Variants in TRERF1 observed in about 807,000 individuals in gnomAD.
TRERF1 encodes the protein transcriptional regulating factor 1, also known as transcriptional-regulating factor 1.
A neutral mutation model predicts 122.9 loss-of-function variants in TRERF1; 27 were observed. That is an observed-to-expected ratio of 0.22 (90% CI 0.16 to 0.30). The LOEUF (loss-of-function observed/expected upper bound fraction) is 0.30. TRERF1 is among the 10% of genes least tolerant of loss of function. TRERF1 has a pLI of 1.00. For missense variants in TRERF1, 1,248 were observed against 1,560.3 expected, an observed-to-expected ratio of 0.80 and a Z score of 3.37; for synonymous variants, 636 against 641.7, an observed-to-expected ratio of 0.99 and a Z score of 0.13.
chr6:42,381,579 C>A (rs532421484), intron 2 of TRERF1, among the ~76,000 whole-genome samples: 2 of 152,020 alleles, frequency 1.3e-5, no homozygotes, highest in South Asian at 4.2e-4. Flanking sequence ...CTGAAATGCA[C>A]CTTGAGGACC....
intron 14 of TRERF1, 62 bp from the exon 15 acceptor site, chr6:42,243,423 A>AT (rs1774123346): frequency 7.0e-6 from 8 of 1,136,924 alleles, no homozygotes; most frequent in Non-Finnish European, 9.3e-6. Flanking sequence ...GGTAGCAAGC[A>AT]TTTTTGAATA....
chr6:42,350,164 C>A (rs1769138694), intron 3 of TRERF1, among the ~76,000 whole-genome samples: 1 of 152,156 alleles, frequency 6.6e-6, no homozygotes. Context: ...TCAGTGAATG[C>A]AAAAGAGGCC....
intron 2 of TRERF1, among the ~76,000 whole-genome samples, chr6:42,427,803 G>A (rs1198733156): frequency 6.6e-6 from 1 of 151,938 alleles, no homozygotes; most frequent in Non-Finnish European, 1.5e-5. Context: ...TCCCGCCTCA[G>A]CCTCCCAAAA....
At chr6:42,238,801 G>A (rs1356820473) in intron 15 of TRERF1, among the ~76,000 whole-genome samples, 1 of 149,086 alleles carries the variant, frequency 6.7e-6, no homozygotes, top group Admixed American at 6.7e-5. Context: ...TGATGACGAT[G>A]ACAACATTGA....
intron 2 of TRERF1, among the ~76,000 whole-genome samples, chr6:42,449,846 C>T (rs1217507346): frequency 6.6e-6 from 1 of 152,172 alleles, no homozygotes; most frequent in African/African-American, 2.4e-5. Context: ...CAATGTGTAG[C>T]GAGTTTTTTA....
exon 16 of TRERF1, chr6:42,236,343 T>C: frequency 6.3e-7 from 1 of 1,587,930 alleles, no homozygotes; most frequent in East Asian, 2.3e-5. Context: ...CTTCTTCTTT[T>C]GTGGATTTCC....
chr6:42,379,141 A>G (rs557655999), intron 2 of TRERF1, among the ~76,000 whole-genome samples: 9 of 151,960 alleles, frequency 5.9e-5, no homozygotes, highest in Admixed American at 6.6e-5. Context: ...TTTTTAATAT[A>G]TTTTGTGTGT....
chr6:42,298,995 C>T (rs1455745052), intron 4 of TRERF1, among the ~76,000 whole-genome samples: 1 of 151,878 alleles, frequency 6.6e-6, no homozygotes, highest in Non-Finnish European at 1.5e-5. Flanking sequence ...TAAGGTAGCT[C>T]CTCGGGAGGA....
chr6:42,313,085 C>G (rs1461663548), intron 3 of TRERF1, among the ~76,000 whole-genome samples: 1 of 152,128 alleles, frequency 6.6e-6, no homozygotes, highest in Non-Finnish European at 1.5e-5. Flanking sequence ...GCAGGGCTGG[C>G]TGTGTAGAGA....
chr6:42,434,677 C>CACAG (rs1785008603), intron 2 of TRERF1, among the ~76,000 whole-genome samples: 1 of 147,522 alleles, frequency 6.8e-6, no homozygotes, highest in African/African-American at 2.6e-5. Flanking sequence ...ACCACACACA[C>CACAG]ACACACACAC....
At chr6:42,436,800 C>CAAAAAAAA (rs775861205) in intron 2 of TRERF1, among the ~76,000 whole-genome samples, 61 of 77,516 alleles carry the variant, frequency 7.9e-4, no homozygotes, top group African/African-American at 3.4e-3. Flanking sequence ...TCTCCCTCTA[C>CAAAAAAAA]AAAAAAAAAA....
At chr6:42,264,361 C>T (rs1394098763) in intron 7 of TRERF1, among the ~76,000 whole-genome samples, 1 of 152,230 alleles carries the variant, frequency 6.6e-6, no homozygotes, top group Non-Finnish European at 1.5e-5. Context: ...TGGAAGGCCC[C>T]AGTGGGCCTG....
At chr6:42,315,608 G>T (rs542260568) in intron 3 of TRERF1, among the ~76,000 whole-genome samples, 8 of 152,068 alleles carry the variant, frequency 5.3e-5, no homozygotes, top group Non-Finnish European at 1.0e-4. Context: ...AGACAAAGGA[G>T]GTCAAATGAA....
In TRERF1 at chr6:42,311,858, T is replaced by C. The variant is rs562662884; in HGVS notation, c.-370-11109A>G. On this transcript the variant is annotated intron_variant, in intron 3 of 17. Coordinates refer to ENST00000372922, the Ensembl canonical transcript of TRERF1. Reference sequence around the variant, plus strand: ...TTCACTTTTCACGTGGAGAACAAACTACAAGAGGACAAGAGTGGAGAAAGC... The same window carrying C: ...TTCACTTTTCACGTGGAGAACAAACCACAAGAGGACAAGAGTGGAGAAAGC... 5.4e-5 allele frequency among the ~76,000 whole-genome samples: 8 copies of C among 149,032 alleles called. No individual in the cohort carries two copies. In the South Asian group the frequency reaches 1.5e-3, roughly 28 times the overall value.
intron 2 of TRERF1, among the ~76,000 whole-genome samples, chr6:42,381,177 C>CCTAACAGATTGGGAGTCCCTGATGG (rs1775842223): frequency 6.6e-6 from 1 of 152,080 alleles, no homozygotes; most frequent in Non-Finnish European, 1.5e-5. Flanking sequence ...GCTGTGTCTC[C>CCTAACAGATTGGGAGTCCCTGATGG]CTAACAGATT....
rs1157777268 is a variant in TRERF1, at chr6:42,263,096, A to ATTT, written c.1884+223_1884+224insAAA. On this transcript the variant is annotated intron_variant, in intron 8 of 17. Coordinates refer to ENST00000372922, the Ensembl canonical transcript of TRERF1. The surrounding 1 kb of genome is among the most constrained non-coding windows in gnomAD (Gnocchi z 5.6). ...ATTAGTTTGGCATTTAATGGGGAGCAGGCAGTGTGAACAAGGGTAGGGTTC... is the reference window on the plus strand; with the variant it reads ...ATTAGTTTGGCATTTAATGGGGAGCATTTGGCAGTGTGAACAAGGGTAGGGTTC... 6.6e-6 allele frequency among the ~76,000 whole-genome samples: 1 copy of ATTT among 152,220 alleles called. No individual in the cohort carries two copies. Among genetic ancestry groups the ATTT allele is most frequent in the Non-Finnish European group, 1.5e-5 (1 of 68,030 alleles).
chr6:42,253,170 C>A (rs2149704115), intron 13 of TRERF1, among the ~76,000 whole-genome samples: 1 of 152,272 alleles, frequency 6.6e-6, no homozygotes, highest in East Asian at 1.9e-4. Flanking sequence ...AGCTTTCTGA[C>A]CTTTTTAATG....
intron 16 of TRERF1, among the ~76,000 whole-genome samples, chr6:42,234,415 G>A (rs967671078): frequency 6.6e-6 from 1 of 151,166 alleles, no homozygotes; most frequent in South Asian, 2.1e-4. Context: ...TCAGTTTACC[G>A]CAACCTCTGC....
At chr6:42,366,857 G>A (rs757760872) in intron 2 of TRERF1, among the ~76,000 whole-genome samples, 21 of 152,150 alleles carry the variant, frequency 1.4e-4, no homozygotes, top group Non-Finnish European at 2.4e-4. Flanking sequence ...AAACACTCAA[G>A]GGCCATCTGA....
Sources: gnomAD v4.1 joint callset for allele counts (sites outside exome capture counted in the v4.1 genomes callset) on GRCh38, gnomAD v4.1.1 for gene constraint, Gnocchi (gnomAD v3.1) non-coding constraint, MANE v1.5 for transcripts, NCBI Gene and HGNC (gene_info 2026-07-23, HGNC 2026-07-21) for gene names.